MTMR3: variants seen among roughly 807,000 people sequenced by gnomAD.
MTMR3 encodes phosphatidylinositol-3,5-bisphosphate 3-phosphatase MTMR3.
Under a neutral mutation model 132.4 loss-of-function variants are expected in MTMR3, and 32 were observed. The ratio of observed to expected loss-of-function variants is 0.24; its 90% CI spans 0.18 to 0.32. The LOEUF (loss-of-function observed/expected upper bound fraction) is 0.32, where lower values mean the gene tolerates loss of function less well. Among genes scored for constraint, MTMR3 ranks in the 10% least tolerant of loss-of-function variants. The pLI is 1.00. For missense variants in MTMR3, 1,216 were observed against 1,489.6 expected (o/e 0.82, Z 3.02); for synonymous variants, 556 against 550.3 (o/e 1.01, Z -0.14).
chr22:29,929,582 T>A (rs1485260850), intron 1 of MTMR3, among the ~76,000 whole-genome samples: 1 of 151,868 alleles, frequency 6.6e-6, no homozygotes, highest in East Asian at 2.0e-4. Flanking sequence ...CAATCTCGGC[T>A]CACTGCAACC....
intron 2 of MTMR3, among the ~76,000 whole-genome samples, chr22:29,970,640 G>C (rs116407600): frequency 6.6e-6 from 1 of 151,156 alleles, no homozygotes; most frequent in Non-Finnish European, 1.5e-5. Flanking sequence ...TGCCTGGCCT[G>C]TAGGTTGATT....
intron 14 of MTMR3, chr22:30,015,392 C>T (rs2067556516): frequency 6.6e-6 from 1 of 151,952 alleles, no homozygotes; most frequent in Non-Finnish European, 1.5e-5. Flanking sequence ...TGTTTCCTCA[C>T]TATAAAACTT....
chr22:29,989,905 C>T (rs990194646), intron 6 of MTMR3: 1 of 152,208 alleles, frequency 6.6e-6, no homozygotes, highest in African/African-American at 2.4e-5. Context: ...ATAAGTTTAG[C>T]ATTCATTGAT....
intron 11 of MTMR3, chr22:30,008,510 A>G (rs1168053145): frequency 6.2e-6 from 1 of 161,572 alleles, no homozygotes; most frequent in Non-Finnish European, 1.4e-5. Context: ...TAACACCATT[A>G]CTGTTGGAAT....
chr22:29,969,585 C>T (rs938240611), intron 2 of MTMR3, among the ~76,000 whole-genome samples: 6 of 151,872 alleles, frequency 4.0e-5, no homozygotes, highest in Non-Finnish European at 8.8e-5. Flanking sequence ...GCTGGATGTG[C>T]AATGGCGTGA....
At chr22:29,944,239 G>A (rs1569017061) in intron 1 of MTMR3, among the ~76,000 whole-genome samples, 1 of 151,106 alleles carries the variant, frequency 6.6e-6, no homozygotes, top group Non-Finnish European at 1.5e-5. Context: ...AAGTAATTGT[G>A]GTTTTTGCCA....
intron 1 of MTMR3, among the ~76,000 whole-genome samples, chr22:29,884,637 A>G (rs574879066): frequency 7.5e-6 from 1 of 133,960 alleles, no homozygotes; most frequent in South Asian, 2.3e-4. Flanking sequence ...ATCTCTGCTC[A>G]CTGCAACCTC....
Position 29,908,284 on chromosome 22 carries a change from C to T in MTMR3, c.-138+24925C>T, listed in dbSNP as rs140633846. On this transcript the variant is annotated intron_variant, in intron 1 of 19. Transcript: ENST00000401950. The stretch of plus-strand genomic sequence containing the variant: ...AGTTTTCTAGAGCTAAGGGAATATA[C>T]ATAGTTTAGTAGTAAGCACAAGTAT... Among the ~76,000 whole-genome samples the T allele has an allele frequency of 2.1e-3, 325 of 152,278 alleles. 3 individuals are homozygous for T. Among genetic ancestry groups the T allele is most frequent in the African/African-American group, 6.8e-3 (282 of 41,546 alleles).
chr22:29,901,654 T>C (rs2065004556), intron 1 of MTMR3, among the ~76,000 whole-genome samples: 2 of 152,196 alleles, frequency 1.3e-5, no homozygotes, highest in African/African-American at 4.8e-5. Flanking sequence ...CTCTGTTGTA[T>C]TGTCTTTTTT....
At chr22:29,908,096 CAAGT>C (rs1568999236) in intron 1 of MTMR3, among the ~76,000 whole-genome samples, 1 of 152,068 alleles carries the variant, frequency 6.6e-6, no homozygotes, top group African/African-American at 2.4e-5. Context: ...CAGTCGGATG[CAAGT>C]AAGATTTTTT....
chr22:29,887,786 C>T (rs1271003902), intron 1 of MTMR3, among the ~76,000 whole-genome samples: 1 of 152,114 alleles, frequency 6.6e-6, no homozygotes, highest in Non-Finnish European at 1.5e-5. Flanking sequence ...TAGCAGGTGG[C>T]AGTGTCATAG....
At chr22:29,967,456 T>C (rs2066450841) in intron 2 of MTMR3, among the ~76,000 whole-genome samples, 1 of 151,566 alleles carries the variant, frequency 6.6e-6, no homozygotes, top group Non-Finnish European at 1.5e-5. Flanking sequence ...GGCGTTGAAC[T>C]CTGGGGCTCA....
intron 1 of MTMR3, among the ~76,000 whole-genome samples, chr22:29,944,630 T>C (rs1350331913): frequency 6.6e-6 from 1 of 152,204 alleles, no homozygotes; most frequent in Non-Finnish European, 1.5e-5. Context: ...TTAGGTGCTG[T>C]TCTTTTTCTT....
intron 1 of MTMR3, among the ~76,000 whole-genome samples, chr22:29,907,009 G>A (rs545661830): frequency 2.6e-5 from 4 of 151,940 alleles, no homozygotes; most frequent in Admixed American, 6.6e-5. Flanking sequence ...ACCAGGAGAC[G>A]GAGGTTGCAG....
intron 13 of MTMR3, 37 bp from the exon 14 acceptor site, chr22:30,013,319 C>G (rs373488990): frequency 1.1e-5 from 18 of 1,607,332 alleles, no homozygotes; most frequent in Non-Finnish European, 1.4e-5. Flanking sequence ...TCTGGATAGT[C>G]TAGCACAAAT....
intron 3 of MTMR3, among the ~76,000 whole-genome samples, chr22:29,972,976 A>C (rs1164102478): frequency 6.6e-6 from 1 of 152,260 alleles, no homozygotes; most frequent in African/African-American, 2.4e-5. Flanking sequence ...TAATGAATTA[A>C]ACATTCTCCC....
intron 1 of MTMR3, among the ~76,000 whole-genome samples, chr22:29,906,907 G>A (rs2145738204): frequency 6.6e-6 from 1 of 151,840 alleles, no homozygotes; most frequent in African/African-American, 2.4e-5. Context: ...GTGAAACCCC[G>A]TCTCTACTAA....
intron 1 of MTMR3, among the ~76,000 whole-genome samples, chr22:29,946,202 A>G (rs36608): frequency 0.06 from 9,069 of 152,270 alleles, 361 homozygotes; most frequent in Non-Finnish European, 0.084. Flanking sequence ...ATAGAGTCAA[A>G]TGGTTTCTAG....
At chr22:29,960,710 C>CTGAG (rs1486032998) in intron 2 of MTMR3, among the ~76,000 whole-genome samples, 3 of 152,158 alleles carry the variant, frequency 2.0e-5, no homozygotes, top group Admixed American at 2.0e-4. Flanking sequence ...GATGAAGAAA[C>CTGAG]TGAGGCTCAG....
Sources: allele counts gnomAD v4.1 joint callset (sites outside exome capture counted in the v4.1 genomes callset), GRCh38; gene constraint gnomAD v4.1.1; transcripts MANE v1.5; gene names NCBI Gene and HGNC (gene_info 2026-07-23, HGNC 2026-07-21).